PKP4: variants seen among roughly 807,000 people sequenced by gnomAD.
PKP4 encodes plakophilin-4.
PKP4 carries 90 observed loss-of-function variants against 145.1 expected under a neutral mutation model. The ratio of observed to expected loss-of-function variants is 0.62; its 90% CI spans 0.52 to 0.74. The LOEUF (loss-of-function observed/expected upper bound fraction) is 0.74, where lower values mean the gene tolerates loss of function less well. PKP4 is among the 30% of genes least tolerant of loss of function. The pLI, the probability that PKP4 is intolerant of heterozygous loss-of-function variation, is 0.00. For synonymous variants in PKP4, 563 were observed against 577.2 expected, an observed-to-expected ratio of 0.98 and a Z score of 0.35; for missense variants, 1,340 against 1,482.7, an observed-to-expected ratio of 0.90 and a Z score of 1.58.
chr2:158,509,377 T>C (rs1049261231), intron 1 of PKP4, among the ~76,000 whole-genome samples: 2 of 152,216 alleles, frequency 1.3e-5, no homozygotes, highest in African/African-American at 4.8e-5. Flanking sequence ...GATCTTTTCA[T>C]CAAATCAGAA....
chr2:158,558,479 T>C (rs994010160), intron 2 of PKP4, among the ~76,000 whole-genome samples: 64 of 152,098 alleles, frequency 4.2e-4, no homozygotes, highest in African/African-American at 1.5e-3. Context: ...GAGGAAGTCA[T>C]CAGTGATTTT....
chr2:158,544,241 A>G, intron 2 of PKP4, among the ~76,000 whole-genome samples: 1 of 152,150 alleles, frequency 6.6e-6, no homozygotes, highest in East Asian at 1.9e-4. Context: ...TGGGGATAAG[A>G]GCAATTAGTT....
intron 1 of PKP4, among the ~76,000 whole-genome samples, chr2:158,464,936 G>A (rs929706532): frequency 2.0e-5 from 3 of 152,174 alleles, no homozygotes; most frequent in Admixed American, 6.5e-5. Flanking sequence ...TATTTAAAAC[G>A]ATACTACTTA....
intron 1 of PKP4, among the ~76,000 whole-genome samples, chr2:158,526,980 A>G (rs1456295178): frequency 8.9e-6 from 1 of 112,428 alleles, no homozygotes; most frequent in Non-Finnish European, 1.8e-5. Context: ...TCAAGGAAAT[A>G]AAAGAGGATA....
chr2:158,567,817 G>A (rs989251937), intron 2 of PKP4, among the ~76,000 whole-genome samples: 7 of 152,176 alleles, frequency 4.6e-5, no homozygotes, highest in Non-Finnish European at 8.8e-5. Flanking sequence ...TGAACCTGAA[G>A]GAATAGTGAG....
chr2:158,534,296 T>C (rs1383388950), intron 2 of PKP4, among the ~76,000 whole-genome samples: 1 of 152,246 alleles, frequency 6.6e-6, no homozygotes, highest in Non-Finnish European at 1.5e-5. Context: ...AAGATTGCTC[T>C]ATAACCGTGA....
chr2:158,671,776 G>A (rs1248428137), intron 17 of PKP4, among the ~76,000 whole-genome samples: 2 of 152,268 alleles, frequency 1.3e-5, no homozygotes, highest in Admixed American at 6.5e-5. Flanking sequence ...CGCGTGGAGC[G>A]TGGTGGGTGG....
intron 2 of PKP4, among the ~76,000 whole-genome samples, chr2:158,539,842 G>A (rs1375792154): frequency 6.6e-6 from 1 of 152,124 alleles, no homozygotes; most frequent in Non-Finnish European, 1.5e-5. Flanking sequence ...CTCTAAAATG[G>A]CTCTCAGGAG....
At chr2:158,482,085 ATG>A (rs763439783) in intron 1 of PKP4, among the ~76,000 whole-genome samples, 3 of 152,206 alleles carry the variant, frequency 2.0e-5, no homozygotes, top group Non-Finnish European at 4.4e-5. Flanking sequence ...CACTAGTCAC[ATG>A]TAGCTATTTA....
chr2:158,573,092 A>G (rs1358966332), intron 2 of PKP4, among the ~76,000 whole-genome samples: 1 of 152,238 alleles, frequency 6.6e-6, no homozygotes, highest in Admixed American at 6.5e-5. Context: ...ATGATTACAT[A>G]AAGTTGGGAA....
At chr2:158,471,039 C>T (rs55690795) in intron 1 of PKP4, among the ~76,000 whole-genome samples, 29,918 of 152,146 alleles carry the variant, frequency 0.2, 3,783 homozygotes, top group Middle Eastern at 0.34. Context: ...TTCAATGCCC[C>T]TTCACCCCAG....
At chr2:158,508,121 C>A (rs2041158845) in intron 1 of PKP4, among the ~76,000 whole-genome samples, 1 of 151,882 alleles carries the variant, frequency 6.6e-6, no homozygotes, top group East Asian at 1.9e-4. Flanking sequence ...CTTTGGGAGG[C>A]CAAGATGGGC....
At chr2:158,566,062 T>C (rs1255747991) in intron 2 of PKP4, among the ~76,000 whole-genome samples, 2 of 152,182 alleles carry the variant, frequency 1.3e-5, no homozygotes, top group African/African-American at 4.8e-5. Flanking sequence ...AGCCACAGAA[T>C]ATCTGCGGAC....
At chr2:158,462,662 C>T (rs1689943396) in intron 1 of PKP4, among the ~76,000 whole-genome samples, 2 of 152,196 alleles carry the variant, frequency 1.3e-5, no homozygotes, top group Admixed American at 6.5e-5. Flanking sequence ...ATTTCACCTT[C>T]ATACTCAGTG....
chr2:158,625,512 G>C (rs1574845733), intron 7 of PKP4, 85 bp downstream of exon 7: 1 of 1,131,528 alleles, frequency 8.8e-7, no homozygotes, highest in Admixed American at 2.5e-5. Context: ...TGAAAAGGTG[G>C]AAAAGGCTCA....
intron 1 of PKP4, among the ~76,000 whole-genome samples, chr2:158,481,236 A>G (rs1298025753): frequency 1.3e-5 from 2 of 152,096 alleles, no homozygotes; most frequent in Non-Finnish European, 2.9e-5. Flanking sequence ...ATTTCTTTTT[A>G]TGTGTGAATA....
chr2:158,499,661 A>G (rs2105490453), intron 1 of PKP4, among the ~76,000 whole-genome samples: 1 of 152,322 alleles, frequency 6.6e-6, no homozygotes, highest in Admixed American at 6.5e-5. Context: ...TGGAAAGCAC[A>G]GTGGCCTTGC....
intron 1 of PKP4, among the ~76,000 whole-genome samples, chr2:158,514,745 A>G (rs2041802532): frequency 6.6e-6 from 1 of 152,210 alleles, no homozygotes; most frequent in Admixed American, 6.5e-5. Context: ...GTTCAAGACC[A>G]GCCTGGCCAA....
intron 2 of PKP4, among the ~76,000 whole-genome samples, chr2:158,547,287 A>C (rs767693495): frequency 4.6e-5 from 7 of 152,208 alleles, no homozygotes; most frequent in Non-Finnish European, 7.3e-5. Flanking sequence ...ATTATCTGTC[A>C]CTGGGTGAAT....
Sources: gnomAD v4.1 joint callset for allele counts (sites outside exome capture counted in the v4.1 genomes callset) on GRCh38, gnomAD v4.1.1 for gene constraint, MANE v1.5 for transcripts, NCBI Gene and HGNC (gene_info 2026-07-23, HGNC 2026-07-21) for gene names.